The following FGF14 variants were observed in gnomAD, a reference collection of about 807,000 sequenced individuals.
The protein encoded by FGF14 is fibroblast growth factor 14.
In FGF14, 5 loss-of-function variants were observed where a neutral mutation model predicts 25.5. That is an observed-to-expected ratio of 0.20 (90% CI 0.10 to 0.41). The LOEUF (loss-of-function observed/expected upper bound fraction) is 0.41, where lower values mean the gene tolerates loss of function less well. FGF14 is among the 10% of genes least tolerant of loss of function. The pLI, the probability that FGF14 is intolerant of heterozygous loss-of-function variation, is 1.00. For synonymous variants in FGF14, 138 were observed against 118.3 expected, an observed-to-expected ratio of 1.17 and a Z score of -1.08; for missense variants, 222 against 320.1, an observed-to-expected ratio of 0.69 and a Z score of 2.34.
chr13:101,905,844 G>C (rs551687034), intron 1 of FGF14, among the ~76,000 whole-genome samples: 2 of 152,150 alleles, frequency 1.3e-5, no homozygotes, highest in South Asian at 4.1e-4. Context: ...TTCTAAAACT[G>C]TACCCCATAT....
chr13:101,986,937 T>TGCAC (rs1491254618), intron 1 of FGF14, among the ~76,000 whole-genome samples: 1 of 113,230 alleles, frequency 8.8e-6, no homozygotes, highest in African/African-American at 4.5e-5. Flanking sequence ...TGTATGTGCA[T>TGCAC]GCACACACAC....
At position 101,913,142 on chromosome 13, in the gene FGF14, A is replaced by C. The variant is rs2033121495; in HGVS notation, c.193+3311T>G. ...AAATGAGAATAATTTCATAATTTCA[A>C]CAGGTGAATGTAGAAGTGAGGAGAA... On this transcript the variant is annotated intron_variant, in intron 1 of 4. Coordinates refer to ENST00000376143, the MANE Select transcript of FGF14 (RefSeq NM_004115.4). Among the ~76,000 whole-genome samples, 3 of 152,236 alleles carry C rather than the reference A, an allele frequency of 2.0e-5. No individual in the cohort carries two copies. In the South Asian group the frequency reaches 6.2e-4, roughly 32 times the overall value.
chr13:101,816,256 A>T (rs956580910), intron 3 of FGF14, among the ~76,000 whole-genome samples: 13 of 131,214 alleles, frequency 9.9e-5, no homozygotes, highest in Middle Eastern at 3.8e-3. Context: ...GGGAACAGAG[A>T]GAGACTCCGT....
At chr13:101,832,247 TC>T (rs2042706347) in intron 3 of FGF14, among the ~76,000 whole-genome samples, 1 of 151,956 alleles carries the variant, frequency 6.6e-6, no homozygotes, top group Admixed American at 6.6e-5. Context: ...AAGAGATTAT[TC>T]TCTAAGTGCT....
chr13:101,829,944 A>T (rs2042586620), intron 3 of FGF14, among the ~76,000 whole-genome samples: 1 of 152,106 alleles, frequency 6.6e-6, no homozygotes, highest in Admixed American at 6.6e-5. Flanking sequence ...ACTTAGAATC[A>T]TAGGCTTCAA....
intron 1 of FGF14, among the ~76,000 whole-genome samples, chr13:102,165,805 T>C (rs1266333247): frequency 6.7e-6 from 1 of 148,240 alleles, no homozygotes; most frequent in Non-Finnish European, 1.5e-5. Flanking sequence ...AAACTTAAAG[T>C]ATAATAATAA....
At chr13:102,210,567 C>CAA (rs569926892) in intron 1 of FGF14, among the ~76,000 whole-genome samples, 21 of 152,190 alleles carry the variant, frequency 1.4e-4, no homozygotes, top group African/African-American at 5.1e-4. Flanking sequence ...AGTGCAAAAG[C>CAA]AAAACAGCTG....
At chr13:102,033,253 G>A (rs2041300949) in intron 1 of FGF14, among the ~76,000 whole-genome samples, 1 of 152,004 alleles carries the variant, frequency 6.6e-6, no homozygotes, top group Non-Finnish European at 1.5e-5. Context: ...AAATCATGGT[G>A]TGACAAACAG....
intron 1 of FGF14, among the ~76,000 whole-genome samples, chr13:102,194,501 G>A (rs2049265382): frequency 6.6e-6 from 1 of 151,912 alleles, no homozygotes; most frequent in African/African-American, 2.4e-5. Flanking sequence ...AATTTTACTT[G>A]GCAGAATAAA....
intron 1 of FGF14, among the ~76,000 whole-genome samples, chr13:101,966,896 C>T (rs1014052445): frequency 1.3e-5 from 2 of 152,136 alleles, no homozygotes; most frequent in Non-Finnish European, 2.9e-5. Context: ...TGTAGCTGGA[C>T]TCCGGCTCAT....
chr13:102,251,579 G>A (rs1349155544), intron 1 of FGF14, among the ~76,000 whole-genome samples: 2 of 152,154 alleles, frequency 1.3e-5, no homozygotes, highest in South Asian at 2.1e-4. Context: ...AAGGGGCGAG[G>A]AGGGCTAGAG....
At chr13:102,256,448 T>A (rs532465002) in intron 1 of FGF14, among the ~76,000 whole-genome samples, 88 of 152,150 alleles carry the variant, frequency 5.8e-4, no homozygotes, top group African/African-American at 2.1e-3. Context: ...CAGTGAGCTG[T>A]GATCACGCCA....
intron 1 of FGF14, among the ~76,000 whole-genome samples, chr13:101,942,674 T>C (rs1021879663): frequency 6.6e-5 from 10 of 152,164 alleles, no homozygotes; most frequent in Non-Finnish European, 1.3e-4. Context: ...AGATTATCAT[T>C]TTACTCTGAT....
chr13:101,955,714 A>G (rs2139422737), intron 1 of FGF14, among the ~76,000 whole-genome samples: 1 of 152,334 alleles, frequency 6.6e-6, no homozygotes, highest in Middle Eastern at 3.4e-3. Flanking sequence ...CTATGGTAAA[A>G]TTACTATGGT....
chr13:102,272,851 C>A (rs577193121), intron 1 of FGF14, among the ~76,000 whole-genome samples: 4 of 152,192 alleles, frequency 2.6e-5, no homozygotes, highest in African/African-American at 9.6e-5. Context: ...CTGTCTTAAC[C>A]ACTGTACTAT....
chr13:102,308,521 T>C (rs931309171), intron 1 of FGF14, among the ~76,000 whole-genome samples: 22 of 152,136 alleles, frequency 1.4e-4, no homozygotes, highest in Admixed American at 1.0e-3. Context: ...AAGGGGGAAG[T>C]CTGATCAACT....
At chr13:101,946,968 C>G (rs2035850313) in intron 1 of FGF14, among the ~76,000 whole-genome samples, 1 of 152,068 alleles carries the variant, frequency 6.6e-6, no homozygotes, top group Non-Finnish European at 1.5e-5. Flanking sequence ...GAGTTTTTAT[C>G]CACTTAATGC....
At position 101,717,124 on chromosome 13, in the gene FGF14, TTAA is replaced by T. The variant is rs2034754690; in HGVS notation, c.*5704_*5706del. 1.3e-5 allele frequency: 2 copies of T among 152,150 alleles called. No individual in the cohort carries two copies. The highest frequency in any genetic ancestry group is 1.3e-4 in the Admixed American group (2 of 15,274). 9.4% of individuals were successfully genotyped at this position (152,150 alleles called of 1,614,324 possible). Reference sequence around the variant, plus strand: ...AAAATTTTTACTTGGAAATTTTATTTTAATGATGTAAATATTCTAGTCATGGCT... The same window carrying T: ...AAAATTTTTACTTGGAAATTTTATTTTGATGTAAATATTCTAGTCATGGCT... On this transcript the variant is annotated 3_prime_UTR_variant, in exon 5 of 5. Transcript: ENST00000376143.
intron 3 of FGF14, among the ~76,000 whole-genome samples, chr13:101,822,494 C>CA (rs34333597): frequency 0.042 from 6,049 of 143,780 alleles, 177 homozygotes; most frequent in Non-Finnish European, 0.064. Flanking sequence ...AAATTTCTAC[C>CA]AAAAAAAAAA....
Sources: gnomAD v4.1 joint callset for allele counts (sites outside exome capture counted in the v4.1 genomes callset) on GRCh38, gnomAD v4.1.1 for gene constraint, MANE v1.5 for transcripts, NCBI Gene and HGNC (gene_info 2026-07-23, HGNC 2026-07-21) for gene names.